Variants in DCAF4 observed in about 807,000 individuals in gnomAD.
DCAF4 encodes the protein DDB1- and CUL4-associated factor 4.
In DCAF4, 37 loss-of-function variants were observed where a neutral mutation model predicts 60.9. The ratio of observed to expected loss-of-function variants is 0.61; its 90% CI spans 0.47 to 0.80. DCAF4 has a LOEUF of 0.80. DCAF4 is among the 30% of genes least tolerant of loss of function. The pLI, the probability that DCAF4 is intolerant of heterozygous loss-of-function variation, is 0.00. For missense variants in DCAF4, 577 were observed against 650.0 expected (o/e 0.89, Z 1.22); for synonymous variants, 243 against 254.8 (o/e 0.95, Z 0.44).
chr14:72,944,092 G>T (rs1206992049), intron 6 of DCAF4, among the ~76,000 whole-genome samples: 3 of 152,144 alleles, frequency 2.0e-5, no homozygotes, highest in African/African-American at 7.2e-5. Context: ...GGACGGTGGG[G>T]GTCATTGGTG....
Position 72,929,771 on chromosome 14 carries a change from G to T in DCAF4, c.-9+3228G>T, listed in dbSNP as rs1421481071. ...TCAGTGACTCCATGGCGCGCAGCTC[G>T]TACGAAGCGAAGCCACACACCTCCC... On this transcript the variant is annotated intron_variant, in intron 1 of 13. Transcript: ENST00000358377. The T allele has an allele frequency of 1.2e-5, 13 of 1,051,022 alleles. No individual in the cohort carries two copies. The Admixed American group carries it at 2.0e-4, about 17-fold the overall frequency. 65.1% of individuals were successfully genotyped at this position (1,051,022 alleles called of 1,614,324 possible).
intron 8 of DCAF4, among the ~76,000 whole-genome samples, chr14:72,947,905 G>A (rs1177000144): frequency 6.6e-6 from 1 of 152,144 alleles, no homozygotes; most frequent in Non-Finnish European, 1.5e-5. Flanking sequence ...GGACCCTTGG[G>A]GGCTGTTGAT....
downstream of DCAF4, chr14:72,960,638 G>A: frequency 9.4e-7 from 1 of 1,062,704 alleles, no homozygotes. Context: ...ATAGTAGAAT[G>A]CATCCTCCAC....
rs79475239 is a variant in DCAF4, at chr14:72,958,516, C to A, written c.1295-96C>A. The A allele has an allele frequency of 5.6e-4, 807 of 1,430,210 alleles. 7 individuals are homozygous for A. The East Asian group carries it at 0.017, about 30-fold the overall frequency. The allele number at this position is 1,430,210 out of a possible 1,614,324, so 88.6% of individuals were successfully genotyped here. On this transcript the variant is annotated intron_variant, in intron 13 of 13. Coordinates refer to ENST00000358377, the MANE Select transcript of DCAF4 (RefSeq NM_015604.4). ...TTGTGTTTTGGCTCACATGAAATCA[C>A]AGCCCTGAGGAATCTTGGGAAGCCA...
intron 13 of DCAF4, chr14:72,957,379 C>T (rs1892447534): frequency 6.6e-6 from 1 of 152,206 alleles, no homozygotes; most frequent in Non-Finnish European, 1.5e-5. Context: ...TGTGCAGGCT[C>T]AATGCTTTCA....
chr14:72,931,577 T>C (rs1415997986), intron 1 of DCAF4, among the ~76,000 whole-genome samples: 1 of 152,220 alleles, frequency 6.6e-6, no homozygotes, highest in Admixed American at 6.5e-5. Context: ...ACAGATGTAT[T>C]GAGAACCAAC....
At chr14:72,952,021 T>C in intron 9 of DCAF4, 144 bp downstream of exon 9, 1 of 722,032 alleles carries the variant, frequency 1.4e-6, no homozygotes, top group Non-Finnish European at 2.1e-6. Context: ...ACCAGAAGCA[T>C]GTGTTTTTTT....
In DCAF4 at chr14:72,940,367, G is replaced by T; in HGVS notation, c.341G>T (p.Arg114Ile). Residue 114 changes from arginine (R) to isoleucine (I), a missense_variant, in exon 4 of 14, where the codon AGA becomes ATA. Physicochemically the swap from Arg to Ile is moderately conservative, Grantham distance 97. Transcript: ENST00000358377. ...KRLRLLQEEDRRKKIARMGFN... is the reference protein window; with the variant it reads ...KRLRLLQEEDIRKKIARMGFN... ...CTGCGGCTGCTCCAGGAAGAAGACA[G>T]ACGGAAAAAGGTGGGCTCCTCACCC... 1.9e-6 allele frequency: 3 copies of T among 1,609,040 alleles called. No individual in the cohort carries two copies. The highest frequency in any genetic ancestry group is 2.5e-6 in the Non-Finnish European group (3 of 1,178,856).
At chr14:72,931,892 T>G (rs971703067) in intron 1 of DCAF4, among the ~76,000 whole-genome samples, 1 of 152,204 alleles carries the variant, frequency 6.6e-6, no homozygotes, top group Non-Finnish European at 1.5e-5. Flanking sequence ...TGGTATATAA[T>G]TCTTTTTATA....
chr14:72,945,528 C>T (rs544537627), intron 6 of DCAF4, among the ~76,000 whole-genome samples: 2 of 151,154 alleles, frequency 1.3e-5, no homozygotes, highest in South Asian at 2.1e-4. Flanking sequence ...TTTCCTATTG[C>T]GCCACAGCCT....
At chr14:72,953,959 C>T (rs1235152644) in intron 9 of DCAF4, among the ~76,000 whole-genome samples, 4 of 151,376 alleles carry the variant, frequency 2.6e-5, no homozygotes, top group African/African-American at 4.9e-5. Flanking sequence ...CTACTGGGAA[C>T]GTTAACAAAG....
intron 1 of DCAF4, among the ~76,000 whole-genome samples, chr14:72,928,463 G>A (rs1427157084): frequency 6.6e-6 from 1 of 151,474 alleles, no homozygotes; most frequent in East Asian, 1.9e-4. Context: ...CCAAAGTGCT[G>A]GGATTACAGG....
chr14:72,960,993 T>A (rs1312555662), downstream of DCAF4, among the ~76,000 whole-genome samples: 1 of 151,242 alleles, frequency 6.6e-6, no homozygotes, highest in Non-Finnish European at 1.5e-5. Flanking sequence ...GCTTGAGCAA[T>A]CCTCCCACCT....
rs1567309880 is a variant in DCAF4, at chr14:72,943,114, A to G, written c.534+18A>G. Reference sequence around the variant, plus strand: ...TCATACTGGTGAGTGGGAGGGGGACACCTGCCTAGGGTGTGGCTGCCACCC... The same window carrying G: ...TCATACTGGTGAGTGGGAGGGGGACGCCTGCCTAGGGTGTGGCTGCCACCC... On this transcript the variant is annotated intron_variant, in intron 6 of 13. Transcript: ENST00000358377. 6.2e-7 allele frequency: 1 copy of G among 1,607,980 alleles called. No individual in the cohort carries two copies. The highest frequency in any genetic ancestry group is 2.2e-5 in the East Asian group (1 of 44,844).
At chr14:72,951,635 A>AG (rs1308800882) in intron 8 of DCAF4, among the ~76,000 whole-genome samples, 163 bp from the exon 9 acceptor site, 2 of 152,224 alleles carry the variant, frequency 1.3e-5, no homozygotes, top group African/African-American at 4.8e-5. Flanking sequence ...CAAAAAAAAA[A>AG]CATCTGAAGG....
At chr14:72,928,977 A>AG (rs11428949) in intron 1 of DCAF4, among the ~76,000 whole-genome samples, 93,818 of 151,974 alleles carry the variant, frequency 0.62, 29,367 homozygotes, top group Non-Finnish European at 0.67. Flanking sequence ...CCTACCTCCC[A>AG]GGGGAGGCGA....
At chr14:72,953,730 A>T (rs866117794) in intron 9 of DCAF4, among the ~76,000 whole-genome samples, 3,262 of 27,680 alleles carry the variant, frequency 0.12, 386 homozygotes, top group Non-Finnish European at 0.14. Flanking sequence ...AAAAAAAAAA[A>T]AAATATATAT....
At chr14:72,945,621 C>T (rs1172484970) in intron 6 of DCAF4, among the ~76,000 whole-genome samples, 1 of 152,182 alleles carries the variant, frequency 6.6e-6, no homozygotes, top group Non-Finnish European at 1.5e-5. Flanking sequence ...TCATGCAGAC[C>T]TCAGACTTTC....
rs1305166184 is a variant in DCAF4, at chr14:72,959,532, G to T, written c.*727G>T. The T allele has an allele frequency of 1.0e-6, 1 of 985,482 alleles. No homozygotes were observed. The highest frequency in any genetic ancestry group is 1.2e-6 in the Non-Finnish European group (1 of 829,916). The allele number at this position is 985,482 out of a possible 1,614,324, so 61.0% of individuals were successfully genotyped here. A position where few individuals can be genotyped will look rare whatever the true frequency, so the allele number is the denominator to read the frequency against. On this transcript the variant is annotated 3_prime_UTR_variant, in exon 14 of 14. Coordinates refer to ENST00000358377, the MANE Select transcript of DCAF4 (RefSeq NM_015604.4). ...ACTTGAATGTCAGATTCAAGGGCCC[G>T]GCGTCAAAGGAAATTGGTTTTGACT...
Sources: allele counts gnomAD v4.1 joint callset (sites outside exome capture counted in the v4.1 genomes callset), GRCh38; gene constraint gnomAD v4.1.1; transcripts MANE v1.5; gene names NCBI Gene and HGNC (gene_info 2026-07-23, HGNC 2026-07-21).